NTRK3: variants seen among roughly 807,000 people sequenced by gnomAD.
NTRK3 encodes the protein neurotrophic receptor tyrosine kinase 3, also known as NT-3 growth factor receptor.
NTRK3 carries 24 observed loss-of-function variants against 91.7 expected under a neutral mutation model. The ratio of observed to expected loss-of-function variants is 0.26; its 90% CI spans 0.19 to 0.37. NTRK3 has a LOEUF of 0.37. NTRK3 is among the 10% of genes least tolerant of loss of function. The pLI is 1.00. For synonymous variants in NTRK3, 483 were observed against 404.0 expected (o/e 1.20, Z -2.34); for missense variants, 880 against 1,068.9 (o/e 0.82, Z 2.46).
chr15:88,045,828 TTG>T (rs1411034681), intron 13 of NTRK3, among the ~76,000 whole-genome samples: 1 of 152,236 alleles, frequency 6.6e-6, no homozygotes, highest in East Asian at 1.9e-4. Flanking sequence ...ATCTTCCTCT[TTG>T]TGTGTGTCCA....
In NTRK3 at chr15:88,228,067, G is replaced by C. The variant is rs556116758; in HGVS notation, c.248+27839C>G. ...CAACTGCTGGCAGACATCTGCCTCTGGATTTCCAGGCCAAACCTAAACCCA... is the reference window on the plus strand; with the variant it reads ...CAACTGCTGGCAGACATCTGCCTCTCGATTTCCAGGCCAAACCTAAACCCA... On this transcript the variant is annotated intron_variant, in intron 3 of 18. Transcript: ENST00000394480. Among the ~76,000 whole-genome samples the C allele has an allele frequency of 9.3e-4, 141 of 152,254 alleles. 1 individual carries two copies. The highest frequency in any genetic ancestry group is 3.2e-3 in the African/African-American group (132 of 41,546).
rs151228659 is a variant in NTRK3 at position 88,073,786 on chromosome 15, C to G, written c.1397-40741G>C. ...TCCAGAGTGCTGCAACACCCCCCCG[C>G]CCCACCCCGCAGGGAAGAGGAAATA... On this transcript the variant is annotated intron_variant, in intron 13 of 18. Transcript: ENST00000394480. Among the ~76,000 whole-genome samples, 71 of 151,532 alleles carry G rather than the reference C, an allele frequency of 4.7e-4. 2 individuals carry two copies. Among genetic ancestry groups the G allele is most frequent in the African/African-American group, 1.6e-3 (67 of 41,198 alleles).
intron 3 of NTRK3, among the ~76,000 whole-genome samples, chr15:88,200,710 A>G (rs2048230663): frequency 6.6e-6 from 1 of 152,200 alleles, no homozygotes; most frequent in Non-Finnish European, 1.5e-5. Context: ...ACTGTGGGTC[A>G]ATTAAACCTC....
At chr15:88,157,125 T>C (rs1044074107) in intron 5 of NTRK3, among the ~76,000 whole-genome samples, 31 of 152,100 alleles carry the variant, frequency 2.0e-4, no homozygotes, top group African/African-American at 7.2e-4. Context: ...TGAAGCCAAC[T>C]TCTACACTGC....
chr15:88,053,225 A>C (rs2045385309), intron 13 of NTRK3, among the ~76,000 whole-genome samples: 1 of 152,174 alleles, frequency 6.6e-6, no homozygotes, highest in Non-Finnish European at 1.5e-5. Context: ...GCAGCAGGGT[A>C]AGGGGGCAGA....
intron 5 of NTRK3, among the ~76,000 whole-genome samples, chr15:88,173,591 C>A (rs2045725546): frequency 6.6e-6 from 1 of 152,256 alleles, no homozygotes; most frequent in Non-Finnish European, 1.5e-5. Context: ...GGGCATTGCC[C>A]ATTCACCCAG....
intron 17 of NTRK3, among the ~76,000 whole-genome samples, chr15:87,887,263 G>A (rs1467528927): frequency 1.3e-5 from 2 of 152,164 alleles, no homozygotes; most frequent in Non-Finnish European, 2.9e-5. Context: ...CAATGTGGAT[G>A]AAGTTTATAC....
intron 17 of NTRK3, 118 bp from the exon 19 acceptor site, chr15:87,880,546 A>G (rs923462714): frequency 1.7e-6 from 2 of 1,172,650 alleles, no homozygotes; most frequent in African/African-American, 3.0e-5. Context: ...AGATAGTCAC[A>G]GCTTTATGCA....
intron 3 of NTRK3, among the ~76,000 whole-genome samples, chr15:88,224,949 G>C (rs1383268696): frequency 2.6e-5 from 4 of 152,234 alleles, no homozygotes; most frequent in African/African-American, 9.6e-5. Context: ...GCAGTCCCTT[G>C]CCTTGCAAAG....
At chr15:87,912,938 A>G in intron 17 of NTRK3, among the ~76,000 whole-genome samples, 1 of 24,440 alleles carries the variant, frequency 4.1e-5, no homozygotes, top group Non-Finnish European at 6.5e-5. Context: ...AAAAATATAT[A>G]TATATATATA....
intron 13 of NTRK3, among the ~76,000 whole-genome samples, chr15:88,096,526 C>CA (rs1325404173): frequency 6.6e-6 from 1 of 152,174 alleles, no homozygotes; most frequent in African/African-American, 2.4e-5. Flanking sequence ...GTTCAGCCCC[C>CA]AAACTACACC....
At chr15:87,999,526 A>G (rs2075950175) in intron 14 of NTRK3, among the ~76,000 whole-genome samples, 1 of 152,210 alleles carries the variant, frequency 6.6e-6, no homozygotes, top group East Asian at 1.9e-4. Flanking sequence ...GTCACTGAAT[A>G]AATAACATGT....
In NTRK3 at chr15:88,226,089, C is replaced by A. The variant is rs117916931; in HGVS notation, c.248+29817G>T. Among the ~76,000 whole-genome samples the A allele has an allele frequency of 2.2e-3, 342 of 152,336 alleles. 2 individuals are homozygous for A. The highest frequency in any genetic ancestry group is 4.1e-3 in the Non-Finnish European group (276 of 68,024). ...GAGTCTTCACTCTGTGATGTCCCCACTGTGCAACACCAGGCAAGTCCTCTT... is the reference window on the plus strand; with the variant it reads ...GAGTCTTCACTCTGTGATGTCCCCAATGTGCAACACCAGGCAAGTCCTCTT... On this transcript the variant is annotated intron_variant, in intron 3 of 18. Transcript: ENST00000394480.
chr15:87,931,235 T>G (rs1271551430), intron 16 of NTRK3: 2 of 518,164 alleles, frequency 3.9e-6, no homozygotes, highest in East Asian at 1.1e-4. Flanking sequence ...CTGGAGATAC[T>G]GCTGAATGTA....
intron 15 of NTRK3, among the ~76,000 whole-genome samples, chr15:87,937,454 T>C (rs1284892286): frequency 6.6e-6 from 1 of 152,178 alleles, no homozygotes; most frequent in African/African-American, 2.4e-5. Context: ...TCCGAGATTC[T>C]GCACTCAGAT....
rs777175993 is a variant in NTRK3, at chr15:88,072,460, G to A, written c.1397-39415C>T. On this transcript the variant is annotated intron_variant, in intron 13 of 18. Transcript: ENST00000394480. ...TAGCAATTTATTCCGGAGAGGGAGA[G>A]GTCTCACTCTTCCAAGTCTTTCATC... 1.3e-5 allele frequency: 3 copies of A among 229,768 alleles called. No homozygotes were observed. The South Asian group carries it at 5.5e-4, about 42-fold the overall frequency. The allele number at this position is 229,768 out of a possible 1,614,324, so 14.2% of individuals were successfully genotyped here. A position where few individuals can be genotyped will look rare whatever the true frequency, so the allele number is the denominator to read the frequency against.
chr15:88,042,691 C>T (rs1041060095), intron 13 of NTRK3, among the ~76,000 whole-genome samples: 5 of 152,196 alleles, frequency 3.3e-5, no homozygotes, highest in African/African-American at 7.2e-5. Flanking sequence ...CCCAAGAACA[C>T]GCACTTAAGG....
At chr15:87,869,220 A>G (rs1416063140) in exon 19 of NTRK3, 2 of 229,636 alleles carry the variant, frequency 8.7e-6, no homozygotes, top group Non-Finnish European at 1.7e-5. Flanking sequence ...GATCTCAGCC[A>G]CGGCTCCTCT....
exon 19 of NTRK3, chr15:87,867,220 A>G: frequency 4.4e-6 from 1 of 225,280 alleles, no homozygotes; most frequent in East Asian, 6.4e-5. Context: ...GGGAGAACGC[A>G]CTTGTTTTCC....
Sources: gnomAD v4.1 joint callset for allele counts (sites outside exome capture counted in the v4.1 genomes callset) on GRCh38, gnomAD v4.1.1 for gene constraint, MANE v1.5 for transcripts, NCBI Gene and HGNC (gene_info 2026-07-23, HGNC 2026-07-21) for gene names.